The following ADRA1B variants were observed in gnomAD, a reference collection of about 807,000 sequenced individuals.
ADRA1B encodes the protein adrenoceptor alpha 1B, also known as alpha-1B adrenergic receptor.
In ADRA1B, 17 loss-of-function variants were observed where a neutral mutation model predicts 17.9. The observed-to-expected ratio is 0.95, with a 90% CI of 0.65 to 1.42. The LOEUF (loss-of-function observed/expected upper bound fraction) is 1.42. Ranked by LOEUF, ADRA1B falls within the 40% of genes most tolerant of loss-of-function variation. ADRA1B has a pLI of 0.00. For synonymous variants in ADRA1B, 366 were observed against 327.6 expected (o/e 1.12, Z -1.27); for missense variants, 681 against 722.1 (o/e 0.94, Z 0.65).
the ADRA1B span, among the ~76,000 whole-genome samples, chr5:159,983,309 A>G: frequency 2.0e-5 from 3 of 152,186 alleles, no homozygotes; most frequent in Non-Finnish European, 2.9e-5. Context: ...TACCCTGGAC[A>G]AGGCTTTCCT....
In ADRA1B at chr5:159,916,670, G is replaced by A; in HGVS notation, c.-236G>A. Reference sequence around the variant, plus strand: ...CCTGACGTGGACCATTAAACTTGGAGCTGCCGCCTCGTCCCCTCTCCTCCT... The same window carrying A: ...CCTGACGTGGACCATTAAACTTGGAACTGCCGCCTCGTCCCCTCTCCTCCT... On this transcript the variant is annotated 5_prime_UTR_variant, in exon 1 of 2. Transcript: ENST00000306675. 1 of 493,246 alleles carries A rather than the reference G, an allele frequency of 2.0e-6. No individual in the cohort carries two copies. The highest frequency in any genetic ancestry group is 3.6e-6 in the Non-Finnish European group (1 of 281,096). The allele number at this position is 493,246 out of a possible 1,614,324, so 30.6% of individuals were successfully genotyped here.
intron 1 of ADRA1B, among the ~76,000 whole-genome samples, chr5:159,938,232 T>C (rs1164931299): frequency 6.6e-6 from 1 of 152,240 alleles, no homozygotes; most frequent in East Asian, 1.9e-4. Context: ...TCCATTCTGT[T>C]GAAGTATCTT....
intron 1 of ADRA1B, among the ~76,000 whole-genome samples, chr5:159,967,968 G>A (rs927556716): frequency 6.6e-6 from 1 of 152,106 alleles, no homozygotes; most frequent in Non-Finnish European, 1.5e-5. Context: ...CAGACATAGG[G>A]GGAAAGTAAA....
chr5:159,958,988 C>T (rs1000537675), intron 1 of ADRA1B, among the ~76,000 whole-genome samples: 4 of 152,226 alleles, frequency 2.6e-5, no homozygotes, highest in African/African-American at 9.6e-5. Context: ...CAAAAGGTAG[C>T]TCCCCTACTG....
downstream of ADRA1B, among the ~76,000 whole-genome samples, chr5:159,977,484 G>C (rs1755990971): frequency 6.6e-6 from 1 of 152,176 alleles, no homozygotes; most frequent in East Asian, 1.9e-4. Context: ...TGGGGGTGAT[G>C]GTGAAGTGCT....
chr5:159,900,469 T>A (rs1419115620), intron 1 of ADRA1B, among the ~76,000 whole-genome samples: 1 of 152,154 alleles, frequency 6.6e-6, no homozygotes, highest in Non-Finnish European at 1.5e-5. Context: ...GCATTGCATA[T>A]TTGGTTGTTA....
intron 1 of ADRA1B, among the ~76,000 whole-genome samples, chr5:159,886,649 C>T (rs1017894120): frequency 2.6e-5 from 4 of 152,102 alleles, no homozygotes; most frequent in Non-Finnish European, 4.4e-5. Context: ...TTGGATTGTC[C>T]ATGAGCAAGG....
chr5:159,988,410 T>G, the ADRA1B span, among the ~76,000 whole-genome samples: 1 of 152,348 alleles, frequency 6.6e-6, no homozygotes, highest in African/African-American at 2.4e-5. Flanking sequence ...ATGCCACTAT[T>G]TTGTAATGCT....
At chr5:159,958,323 G>A (rs1755603600) in intron 1 of ADRA1B, among the ~76,000 whole-genome samples, 1 of 152,086 alleles carries the variant, frequency 6.6e-6, no homozygotes, top group Non-Finnish European at 1.5e-5. Context: ...ACCACTTACA[G>A]TCTGTTTTTT....
intron 1 of ADRA1B, among the ~76,000 whole-genome samples, chr5:159,887,174 T>C (rs543796670): frequency 3.3e-4 from 51 of 152,322 alleles, no homozygotes; most frequent in African/African-American, 1.2e-3. Flanking sequence ...CTACGTACAA[T>C]TCAGTGCACT....
chr5:159,973,416 G>A (rs78137842), downstream of ADRA1B, among the ~76,000 whole-genome samples: 1,862 of 152,198 alleles, frequency 0.012, 23 homozygotes, highest in Non-Finnish European at 0.017. Flanking sequence ...GGGGTTCCCC[G>A]GCCAGTCCCC....
chr5:159,973,682 G>T (rs1378928134), downstream of ADRA1B, among the ~76,000 whole-genome samples: 3 of 152,180 alleles, frequency 2.0e-5, no homozygotes, highest in Non-Finnish European at 4.4e-5. Context: ...CACTGAGGAA[G>T]GTCACACAGA....
chr5:159,947,591 C>A, intron 1 of ADRA1B: 1 of 535,564 alleles, frequency 1.9e-6, no homozygotes, highest in Non-Finnish European at 2.4e-6. Flanking sequence ...AATGGTTTCC[C>A]TTTTACATTC....
intron 1 of ADRA1B, among the ~76,000 whole-genome samples, chr5:159,879,363 C>T (rs951833548): frequency 2.6e-5 from 4 of 152,140 alleles, no homozygotes; most frequent in Admixed American, 6.5e-5. Flanking sequence ...CAGCAACAGG[C>T]GCCTGCCTGT....
At chr5:159,958,542 T>C (rs1423656110) in intron 1 of ADRA1B, among the ~76,000 whole-genome samples, 1 of 152,234 alleles carries the variant, frequency 6.6e-6, no homozygotes, top group Non-Finnish European at 1.5e-5. Context: ...TTCCTCTTTA[T>C]TTCCATTGAT....
chr5:159,906,815 G>T (rs1490014005), intron 1 of ADRA1B, among the ~76,000 whole-genome samples: 4 of 152,216 alleles, frequency 2.6e-5, no homozygotes, highest in Non-Finnish European at 5.9e-5. Flanking sequence ...TTAAGGAGAA[G>T]TTCCCCGGCT....
At chr5:159,965,887 G>A (rs955886389) in intron 1 of ADRA1B, among the ~76,000 whole-genome samples, 3 of 151,972 alleles carry the variant, frequency 2.0e-5, no homozygotes. Context: ...GCAATGGAGC[G>A]ATCTCAGCTC....
chr5:159,977,981 C>T (rs1037013195), downstream of ADRA1B, among the ~76,000 whole-genome samples: 1 of 152,122 alleles, frequency 6.6e-6, no homozygotes, highest in African/African-American at 2.4e-5. Context: ...TCCGATTTCT[C>T]TGACTGTCCA....
chr5:159,873,581 A>C (rs565565827), intron 1 of ADRA1B, among the ~76,000 whole-genome samples: 1 of 152,302 alleles, frequency 6.6e-6, no homozygotes, highest in South Asian at 2.1e-4. Context: ...CCCTTCCCCA[A>C]GTGCCGATCC....
Sources: gnomAD v4.1 joint callset for allele counts (sites outside exome capture counted in the v4.1 genomes callset) on GRCh38, gnomAD v4.1.1 for gene constraint, MANE v1.5 for transcripts, NCBI Gene and HGNC (gene_info 2026-07-23, HGNC 2026-07-21) for gene names.